Variants in DGKB observed in about 807,000 individuals in gnomAD.
DGKB encodes diacylglycerol kinase beta, also known as 90 kDa diacylglycerol kinase.
DGKB carries 67 observed loss-of-function variants against 114.3 expected under a neutral mutation model. The ratio of observed to expected loss-of-function variants is 0.59; its 90% CI spans 0.48 to 0.72. The LOEUF (loss-of-function observed/expected upper bound fraction) is 0.72. Among genes scored for constraint, DGKB ranks in the 30% least tolerant of loss-of-function variants. DGKB has a pLI of 0.00. For synonymous variants in DGKB, 398 were observed against 323.1 expected (o/e 1.23, Z -2.49); for missense variants, 907 against 975.2 (o/e 0.93, Z 0.93).
chr7:14,738,923 A>T (rs1486372594), intron 4 of DGKB, among the ~76,000 whole-genome samples: 1 of 152,250 alleles, frequency 6.6e-6, no homozygotes, highest in Non-Finnish European at 1.5e-5. Flanking sequence ...ACAAAAACAA[A>T]GAGTTCAGAA....
At chr7:14,499,644 A>C (rs1396500514) in intron 20 of DGKB, among the ~76,000 whole-genome samples, 1 of 151,828 alleles carries the variant, frequency 6.6e-6, no homozygotes, top group Non-Finnish European at 1.5e-5. Flanking sequence ...AAACTGAGGC[A>C]ACACCTTAAA....
At chr7:14,405,594 A>G (rs1446813093) in intron 21 of DGKB, among the ~76,000 whole-genome samples, 2 of 152,104 alleles carry the variant, frequency 1.3e-5, no homozygotes, top group African/African-American at 4.8e-5. Context: ...TTGAGGATGC[A>G]GAAACAATCA....
intron 21 of DGKB, among the ~76,000 whole-genome samples, chr7:14,373,492 A>G (rs1187143374): frequency 6.6e-6 from 1 of 152,174 alleles, no homozygotes; most frequent in Non-Finnish European, 1.5e-5. Flanking sequence ...CTTTGCCAAA[A>G]ATAAAATCTG....
intron 5 of DGKB, among the ~76,000 whole-genome samples, chr7:14,721,776 G>C (rs563059047): frequency 6.6e-6 from 1 of 152,196 alleles, no homozygotes; most frequent in South Asian, 2.1e-4. Flanking sequence ...AGAGTGCACT[G>C]AAGAAGAAGA....
chr7:14,939,099 T>C (rs1785422443), intron 1 of DGKB, among the ~76,000 whole-genome samples: 1 of 152,166 alleles, frequency 6.6e-6, no homozygotes, highest in Non-Finnish European at 1.5e-5. Flanking sequence ...TATTTCTCTT[T>C]ATCTTTAATA....
chr7:14,768,653 C>G (rs965581195), intron 2 of DGKB, among the ~76,000 whole-genome samples: 2 of 152,088 alleles, frequency 1.3e-5, no homozygotes, highest in Middle Eastern at 3.4e-3. Context: ...TTTGATCAAG[C>G]TCTCTAAAAG....
intron 1 of DGKB, among the ~76,000 whole-genome samples, chr7:14,897,641 T>C (rs1489613351): frequency 2.6e-5 from 4 of 151,962 alleles, no homozygotes; most frequent in African/African-American, 4.8e-5. Flanking sequence ...TTTTGTGATA[T>C]GGAAATAAAT....
intron 1 of DGKB, among the ~76,000 whole-genome samples, chr7:14,954,644 A>C (rs772329041): frequency 6.6e-6 from 1 of 152,060 alleles, no homozygotes; most frequent in East Asian, 1.9e-4. Context: ...AAGATATACA[A>C]ATGTGGACAT....
chr7:14,723,588 T>TACAC (rs201946979), intron 5 of DGKB, among the ~76,000 whole-genome samples: 9 of 150,870 alleles, frequency 6.0e-5, no homozygotes, highest in African/African-American at 2.2e-4. Context: ...TGTGTGTATA[T>TACAC]ACACATACAC....
intron 14 of DGKB, among the ~76,000 whole-genome samples, chr7:14,629,447 A>C (rs558392818): frequency 4.6e-5 from 7 of 152,132 alleles, no homozygotes; most frequent in African/African-American, 1.7e-4. Flanking sequence ...CAGTTATGAC[A>C]CTTTTTTACA....
At chr7:14,238,966 A>C (rs1403599593) in intron 23 of DGKB, among the ~76,000 whole-genome samples, 2 of 152,046 alleles carry the variant, frequency 1.3e-5, no homozygotes, top group African/African-American at 4.8e-5. Context: ...TACAGTGAAG[A>C]AGGACTTTGT....
At chr7:14,766,061 A>G (rs1836406147) in intron 2 of DGKB, among the ~76,000 whole-genome samples, 1 of 152,102 alleles carries the variant, frequency 6.6e-6, no homozygotes, top group Non-Finnish European at 1.5e-5. Flanking sequence ...TACTTTAGAA[A>G]CAATAAATAG....
intron 2 of DGKB, among the ~76,000 whole-genome samples, chr7:14,758,059 A>G (rs560553982): frequency 1.3e-5 from 2 of 152,244 alleles, no homozygotes; most frequent in African/African-American, 2.4e-5. Flanking sequence ...TTTTCTCTGT[A>G]TACATAACAC....
chr7:14,560,179 CT>C (rs369489612), intron 20 of DGKB, among the ~76,000 whole-genome samples: 1 of 151,994 alleles, frequency 6.6e-6, no homozygotes, highest in Non-Finnish European at 1.5e-5. Flanking sequence ...TTTCTCCTCT[CT>C]TTTTTTATTG....
chr7:14,655,118 T>A (rs1384294317), intron 13 of DGKB, among the ~76,000 whole-genome samples: 1 of 151,826 alleles, frequency 6.6e-6, no homozygotes, highest in African/African-American at 2.4e-5. Context: ...GGAGAAAATA[T>A]CTACAAACTA....
intron 23 of DGKB, among the ~76,000 whole-genome samples, chr7:14,283,183 A>T (rs1012653185): frequency 5.1e-4 from 77 of 151,908 alleles, no homozygotes; most frequent in Non-Finnish European, 2.2e-4. Flanking sequence ...TACAAAATCA[A>T]TGTGCAAAAA....
chr7:14,517,352 C>A (rs1788986206), intron 20 of DGKB, among the ~76,000 whole-genome samples: 1 of 151,886 alleles, frequency 6.6e-6, no homozygotes, highest in South Asian at 2.1e-4. Context: ...ACTATAAAAA[C>A]CATGGAAGAC....
intron 9 of DGKB, among the ~76,000 whole-genome samples, chr7:14,688,183 T>C (rs551808539): frequency 3.0e-4 from 45 of 152,236 alleles, no homozygotes; most frequent in Admixed American, 1.8e-3. Context: ...CTTCTTTCTA[T>C]CAGCCAGTAG....
At chr7:14,727,042 T>A (rs1359481924) in intron 5 of DGKB, among the ~76,000 whole-genome samples, 4 of 152,324 alleles carry the variant, frequency 2.6e-5, no homozygotes, top group African/African-American at 9.6e-5. Flanking sequence ...GGGTATTAAA[T>A]CTCTTATTTC....
Sources: gnomAD v4.1 joint callset for allele counts (sites outside exome capture counted in the v4.1 genomes callset) on GRCh38, gnomAD v4.1.1 for gene constraint, MANE v1.5 for transcripts, NCBI Gene and HGNC (gene_info 2026-07-23, HGNC 2026-07-21) for gene names.